HIF3A: variants seen among roughly 807,000 people sequenced by gnomAD.
HIF3A encodes hypoxia inducible factor 3 subunit alpha, also known as hypoxia-inducible factor 3-alpha.
A neutral mutation model predicts 67.2 loss-of-function variants in HIF3A; 41 were observed. The ratio of observed to expected loss-of-function variants is 0.61; its 90% CI spans 0.48 to 0.79. The LOEUF is 0.79. Among genes scored for constraint, HIF3A ranks in the 30% least tolerant of loss-of-function variants. HIF3A has a pLI of 0.00. For missense variants in HIF3A, 855 were observed against 898.0 expected (o/e 0.95, Z 0.61); for synonymous variants, 356 against 374.8 (o/e 0.95, Z 0.58).
At position 46,309,317 on chromosome 19, in the gene HIF3A, G is replaced by A; in HGVS notation, c.728G>A (p.Ser243Asn). The A allele has an allele frequency of 6.2e-7, 1 of 1,612,544 alleles. No homozygotes were observed. Among genetic ancestry groups the A allele is most frequent in the South Asian group, 1.1e-5 (1 of 90,824 alleles). The change falls in exon 6 of 15, where the codon AGC becomes AAC. Residue 243 changes from serine to asparagine, a missense_variant. Physicochemically the swap from Ser to Asn is conservative, Grantham distance 46. Transcript: ENST00000377670. ...EPPLGRGAFL[S>N]RHSLDMKFTY... ...CCACTGGGCCGAGGGGCCTTCCTCA[G>A]CCGCCACAGCCTGGACATGAAGTTC...
At position 46,331,206 on chromosome 19, in the gene HIF3A, G is replaced by A. The variant is rs770621775; in HGVS notation, c.1763G>A (p.Gly588Glu). 1.2e-6 allele frequency: 2 copies of A among 1,614,104 alleles called. No homozygotes were observed. The highest frequency in any genetic ancestry group is 1.7e-6 in the Non-Finnish European group (2 of 1,180,000). ...EDEDEGVELL[G>E]VRPPKRSPSP... ...GAGGACGAGGGAGTGGAGCTGCTGG[G>A]AGTGAGACCTCCCAAAAGGTCCCCC... is the stretch of plus-strand genomic sequence containing the variant. Residue 588 changes from glycine (G) to glutamate (E), a missense_variant, in exon 13 of 15, where the codon GGA (glycine) becomes GAA (glutamate). Gly to Glu is a moderately conservative substitution (Grantham distance 98). Coordinates refer to ENST00000377670, the MANE Select transcript of HIF3A (RefSeq NM_152795.4).
In HIF3A at chr19:46,312,215, C is replaced by T. The variant is rs756370923; in HGVS notation, c.825C>T (p.Tyr275=). 1.2e-4 allele frequency: 200 copies of T among 1,613,886 alleles called. No individual in the cohort carries two copies. Among genetic ancestry groups the T allele is most frequent in the Non-Finnish European group, 1.5e-4 (177 of 1,179,978 alleles). ...ATGACCTGATCGGCTGTTCCGCCTACGAGTACATCCACGCGCTGGACTCCG... is the reference window on the plus strand; with the variant it reads ...ATGACCTGATCGGCTGTTCCGCCTATGAGTACATCCACGCGCTGGACTCCG... ...SPDDLIGCSA[Y]EYIHALDSDA... Residue 275 remains tyrosine (Y), a synonymous_variant, in exon 7 of 15, where the codon TAC becomes TAT. Transcript: ENST00000377670.
Position 46,297,927 on chromosome 19 carries a change from G to A in HIF3A, c.26+825G>A, listed in dbSNP as rs1224056281. 1.3e-5 allele frequency among the ~76,000 whole-genome samples: 2 copies of A among 152,004 alleles called. No individual in the cohort carries two copies. Among genetic ancestry groups the A allele is most frequent in the Admixed American group, 6.6e-5 (1 of 15,260 alleles). On this transcript the variant is annotated intron_variant, in intron 1 of 14. Coordinates refer to ENST00000377670, the MANE Select transcript of HIF3A (RefSeq NM_152795.4). This position sits in a 1 kb window ranked among gnomAD's most constrained non-coding sequence, Gnocchi z 4.5. ...TGAGCCTGCAGGCTGTGATGGGAACGCCCCCTGCCGCAGTACTCAGATGGG... is the reference window on the plus strand; with the variant it reads ...TGAGCCTGCAGGCTGTGATGGGAACACCCCCTGCCGCAGTACTCAGATGGG...
intron 14 of HIF3A, among the ~76,000 whole-genome samples, chr19:46,338,048 T>C (rs1971752447): frequency 6.6e-6 from 1 of 152,220 alleles, no homozygotes; most frequent in Non-Finnish European, 1.5e-5. Context: ...GTGCCTAGCT[T>C]TGTGCTAAAT....
rs562753679 is a variant in HIF3A at position 46,306,248 on chromosome 19, G to A, written c.363+858G>A. ...CCGGGGAGCTATAGAAGGATTTTAA[G>A]CAGTGGAGAGGTTGTGCCAGAAAGG... On this transcript the variant is annotated intron_variant, in intron 3 of 14. Transcript: ENST00000377670. 2.6e-5 allele frequency among the ~76,000 whole-genome samples: 4 copies of A among 152,288 alleles called. No homozygotes were observed. In the South Asian group the frequency reaches 8.3e-4, roughly 32 times the overall value.
At chr19:46,314,357 A>G (rs143266665) in intron 8 of HIF3A, among the ~76,000 whole-genome samples, 3 of 143,260 alleles carry the variant, frequency 2.1e-5, no homozygotes, top group African/African-American at 7.7e-5. Flanking sequence ...CAAAAAAAGA[A>G]AAACAGAAAA....
chr19:46,313,414 G>C, intron 8 of HIF3A: 1 of 565,174 alleles, frequency 1.8e-6, no homozygotes, highest in Non-Finnish European at 2.2e-6. Context: ...CTAGAGCCTG[G>C]GGGTTCAAGA....
At position 46,303,892 on chromosome 19, in the gene HIF3A, C is replaced by T. The variant is rs1476504865; in HGVS notation, c.27-6C>T. On this transcript the variant is annotated splice_region_variant and splice_polypyrimidine_tract_variant and intron_variant, in intron 1 of 14. Transcript: ENST00000377670. ...CACCACCAGTGAATGCTGCCCATGCCCTCAGGTCGACCACGGAGCTGCGCA... is the reference window on the plus strand; with the variant it reads ...CACCACCAGTGAATGCTGCCCATGCTCTCAGGTCGACCACGGAGCTGCGCA... The T allele has an allele frequency of 6.2e-7, 1 of 1,606,976 alleles. No individual in the cohort carries two copies. The highest frequency in any genetic ancestry group is 8.5e-7 in the Non-Finnish European group (1 of 1,177,166).
In HIF3A at chr19:46,329,369, C is replaced by T; in HGVS notation, c.1603C>T (p.Leu535Phe). The T allele has an allele frequency of 9.9e-6, 16 of 1,612,606 alleles. No homozygotes were observed. The highest frequency in any genetic ancestry group is 1.4e-5 in the Non-Finnish European group (16 of 1,179,524). The change falls in exon 12 of 15, where the codon CTT (leucine) becomes TTT (phenylalanine). Residue 535 changes from leucine to phenylalanine, a missense_variant. Leu to Phe is a conservative substitution (Grantham distance 22, BLOSUM62 0). Transcript: ENST00000377670. ...RSFHGLSPPA[L>F]EPSLLPRWGS... ...CTTCCATGGCCTGTCACCTCCAGCC[C>T]TTGAGCCCTCCCTGCTACCCCGCTG...
intron 8 of HIF3A, chr19:46,313,115 G>C (rs1272472412): frequency 1.7e-6 from 1 of 581,414 alleles, no homozygotes; most frequent in Non-Finnish European, 2.2e-6. Context: ...GCCGGGTGTG[G>C]TGACACATGC....
At chr19:46,320,638 C>T (rs1286087368) in intron 9 of HIF3A, 77 bp downstream of exon 9, 1 of 1,074,554 alleles carries the variant, frequency 9.3e-7, no homozygotes, top group African/African-American at 1.6e-5. Flanking sequence ...CTTAACATGG[C>T]TCACCAGGCC....
chr19:46,325,029 C>G (rs553035870), intron 10 of HIF3A, among the ~76,000 whole-genome samples: 2 of 139,626 alleles, frequency 1.4e-5, no homozygotes, highest in South Asian at 4.4e-4. Context: ...CAGAGTCTTA[C>G]TCTGTCACCC....
At position 46,325,421 on chromosome 19, in the gene HIF3A, G is replaced by T. The variant is rs142349043; in HGVS notation, c.1336-114G>T. On this transcript the variant is annotated intron_variant, in intron 10 of 14. Transcript: ENST00000377670. The stretch of plus-strand genomic sequence containing the variant: ...GCATTTGCCGTTGGACCCCCTTTGT[G>T]CCCCAGATGCCTGGCATTTGATCCC... The T allele has an allele frequency of 5.1e-5, 37 of 720,182 alleles. No individual in the cohort carries two copies. In the East Asian group the frequency reaches 9.0e-4, roughly 17 times the overall value. The allele number at this position is 720,182 out of a possible 1,614,324, so 44.6% of individuals were successfully genotyped here.
At chr19:46,333,169 G>A (rs1971362096) in intron 13 of HIF3A, among the ~76,000 whole-genome samples, 1 of 152,106 alleles carries the variant, frequency 6.6e-6, no homozygotes, top group African/African-American at 2.4e-5. Context: ...CTATTGAAAT[G>A]TTCTTGTTAC....
intron 1 of HIF3A, chr19:46,298,600 T>C: frequency 9.6e-7 from 1 of 1,038,588 alleles, no homozygotes; most frequent in Non-Finnish European, 1.3e-6. Context: ...AGGATGCTCT[T>C]GGGAAGTCCC....
At chr19:46,332,012 G>A (rs1017935779) in intron 13 of HIF3A, among the ~76,000 whole-genome samples, 1 of 152,122 alleles carries the variant, frequency 6.6e-6, no homozygotes, top group Non-Finnish European at 1.5e-5. Flanking sequence ...GATTACTAGT[G>A]CAGAGTTCAA....
chr19:46,337,025 A>G (rs1568551279), intron 14 of HIF3A, among the ~76,000 whole-genome samples: 2 of 152,118 alleles, frequency 1.3e-5, no homozygotes, highest in African/African-American at 4.8e-5. Flanking sequence ...TGAACAAAAA[A>G]GAGTGGGAGA....
intron 1 of HIF3A, among the ~76,000 whole-genome samples, chr19:46,299,390 AG>A (rs1968135682): frequency 6.6e-6 from 1 of 152,342 alleles, no homozygotes; most frequent in South Asian, 2.1e-4. Context: ...GAATTGTGTC[AG>A]TGACTGCCGC....
chr19:46,340,831 C>T lies in HIF3A; in HGVS notation c.*1209C>T, dbSNP rs544788665. 2.6e-5 allele frequency: 4 copies of T among 152,286 alleles called. No individual in the cohort carries two copies. Among genetic ancestry groups the T allele is most frequent in the South Asian group, 4.1e-4 (2 of 4,826 alleles). The allele number at this position is 152,286 out of a possible 1,614,324, so 9.4% of individuals were successfully genotyped here. ...TCACTTTCTCCAAATCCCTCTGCTT[C>T]GAATTTCACCGTCTTCAGCTCTTTC... On this transcript the variant is annotated 3_prime_UTR_variant, in exon 15 of 15. Transcript: ENST00000377670.
Sources: gnomAD v4.1 joint callset for allele counts (sites outside exome capture counted in the v4.1 genomes callset) on GRCh38, gnomAD v4.1.1 for gene constraint, Gnocchi (gnomAD v3.1) non-coding constraint, MANE v1.5 for transcripts, NCBI Gene and HGNC (gene_info 2026-07-23, HGNC 2026-07-21) for gene names.